Variants in PCDH11X observed in about 807,000 individuals in gnomAD.
PCDH11X encodes the protein protocadherin-11 X-linked.
In PCDH11X, 18 loss-of-function variants were observed where a neutral mutation model predicts 53.3. The observed-to-expected ratio is 0.34, with a 90% confidence interval of 0.23 to 0.50. PCDH11X has a LOEUF of 0.50. Among genes scored for constraint, PCDH11X ranks in the 20% least tolerant of loss-of-function variants. PCDH11X has a pLI of 0.98. For missense variants in PCDH11X, 570 were observed against 1,032.4 expected (o/e 0.55, Z 6.14); for synonymous variants, 279 against 393.3 (o/e 0.71, Z 3.44).
intron 8 of PCDH11X, among the ~76,000 whole-genome samples, chrX:92,298,969 C>T (rs957622712): frequency 2.7e-5 from 3 of 111,504 alleles, no homozygotes; most frequent in Non-Finnish European, 3.8e-5. Context: ...TAACTAAGAT[C>T]TGAGTCCTGA....
chrX:92,157,018 A>G (rs187953049), intron 6 of PCDH11X, among the ~76,000 whole-genome samples: 58 of 111,900 alleles, frequency 5.2e-4, no homozygotes, highest in South Asian at 3.7e-3. Flanking sequence ...CACTTCCAAA[A>G]ATCTGTCCCT....
At chrX:92,303,794 C>A (rs1170161859) in intron 8 of PCDH11X, among the ~76,000 whole-genome samples, 2 of 109,781 alleles carry the variant, frequency 1.8e-5, no homozygotes, top group African/African-American at 3.3e-5. Context: ...ATGAAGAGTA[C>A]AACTAACGCT....
In PCDH11X at chrX:91,853,331, G is replaced by A. The variant is rs1415625330; in HGVS notation, c.540+17287G>A. ...TATACAGAAAACATATTTATTATTA[G>A]CACTAGCAAAATCTTATGTAATGAA... On this transcript the variant is annotated intron_variant, in intron 5 of 10. Coordinates refer to ENST00000682573, the MANE Select transcript of PCDH11X (RefSeq NM_032968.5). 2.7e-5 allele frequency among the ~76,000 whole-genome samples: 3 copies of A among 109,361 alleles called. No homozygotes were observed. In the Admixed American group the frequency reaches 2.9e-4, roughly 11 times the overall value. The allele number at this position is 109,361 out of a possible 115,157, so 95.0% of individuals were successfully genotyped here.
chrX:91,812,367 T>C (rs1936317266), intron 4 of PCDH11X, among the ~76,000 whole-genome samples: 1 of 110,967 alleles, frequency 9.0e-6, no homozygotes, highest in Non-Finnish European at 1.9e-5. Flanking sequence ...CCATTACTCC[T>C]CTGTCACTTC....
chrX:92,017,741 AG>A (rs1179032852), intron 6 of PCDH11X, among the ~76,000 whole-genome samples: 1 of 93,862 alleles, frequency 1.1e-5, no homozygotes, highest in Non-Finnish European at 2.1e-5. Flanking sequence ...ATAACAAAAA[AG>A]TTTTGAACAT....
chrX:92,397,692 C>T (rs1342871057), intron 9 of PCDH11X, among the ~76,000 whole-genome samples: 1 of 110,179 alleles, frequency 9.1e-6, no homozygotes, highest in Non-Finnish European at 1.9e-5. Context: ...ACTGTAGTTA[C>T]AAGGACAGAG....
At chrX:92,447,785 G>A (rs925662902) in intron 9 of PCDH11X, among the ~76,000 whole-genome samples, 17 of 112,537 alleles carry the variant, frequency 1.5e-4, no homozygotes, top group South Asian at 1.1e-3. Flanking sequence ...CTTGCACTGC[G>A]TGCCTGGAAA....
At chrX:91,943,432 G>A (rs1360103360) in intron 6 of PCDH11X, among the ~76,000 whole-genome samples, 1 of 110,321 alleles carries the variant, frequency 9.1e-6, no homozygotes, top group Middle Eastern at 4.2e-3. Flanking sequence ...AAAAAATAAA[G>A]TCTATTAAAA....
rs2068249301 is a variant in PCDH11X at position 92,281,404 on chromosome X, G to A, written c.3144+18261G>A. Among the ~76,000 whole-genome samples the A allele has an allele frequency of 2.7e-5, 3 of 111,615 alleles. No individual in the cohort carries two copies. In the South Asian group the frequency reaches 1.1e-3, roughly 41 times the overall value. ...TGTGTGTTCATATACATGCACTGGG[G>A]AAAAATTGCCAGTTAAAAAGGAAAC... is the stretch of plus-strand genomic sequence containing the variant. On this transcript the variant is annotated intron_variant, in intron 8 of 10. Coordinates refer to ENST00000682573, the MANE Select transcript of PCDH11X (RefSeq NM_032968.5).
intron 10 of PCDH11X, among the ~76,000 whole-genome samples, chrX:92,522,990 A>T (rs2074392876): frequency 1.8e-5 from 2 of 111,315 alleles, no homozygotes; most frequent in African/African-American, 6.5e-5. Context: ...TTTCTGACAA[A>T]TCTGCCATAG....
chrX:92,199,698 T>C (rs1451223250), intron 6 of PCDH11X, among the ~76,000 whole-genome samples: 1 of 110,215 alleles, frequency 9.1e-6, no homozygotes. Context: ...AGTGATAGAA[T>C]ATTGGCAGGG....
intron 6 of PCDH11X, among the ~76,000 whole-genome samples, chrX:92,200,046 C>A (rs181214123): frequency 9.0e-6 from 1 of 111,295 alleles, no homozygotes; most frequent in Admixed American, 9.6e-5. Flanking sequence ...GTTAAATGTA[C>A]CTTTTGGCCA....
chrX:92,616,389 T>A (rs1927966644), intron 10 of PCDH11X, among the ~76,000 whole-genome samples: 1 of 78,939 alleles, frequency 1.3e-5, no homozygotes, highest in Non-Finnish European at 2.4e-5. Flanking sequence ...GACTTTTGAT[T>A]GATTCCAGGT....
intron 7 of PCDH11X, among the ~76,000 whole-genome samples, chrX:92,211,243 G>A (rs935053439): frequency 1.8e-5 from 2 of 111,679 alleles, no homozygotes; most frequent in African/African-American, 3.3e-5. Context: ...GAAAGTGAAC[G>A]AGAAGCCAGC....
intron 5 of PCDH11X, among the ~76,000 whole-genome samples, chrX:91,869,346 G>A (rs1939155039): frequency 9.0e-6 from 1 of 110,916 alleles, no homozygotes; most frequent in African/African-American, 3.3e-5. Context: ...CTTTTGAGAA[G>A]TAACCATATT....
At chrX:91,973,904 C>T (rs1439941627) in intron 6 of PCDH11X, among the ~76,000 whole-genome samples, 1 of 110,979 alleles carries the variant, frequency 9.0e-6, no homozygotes, top group African/African-American at 3.3e-5. Flanking sequence ...TGTGAGCCAC[C>T]ATGCCCAGCC....
At chrX:92,356,336 C>A (rs1403851405) in intron 8 of PCDH11X, among the ~76,000 whole-genome samples, 1 of 106,410 alleles carries the variant, frequency 9.4e-6, no homozygotes, top group Non-Finnish European at 1.9e-5. Context: ...AGAAATAATA[C>A]CAAATTTAGC....
chrX:92,048,465 T>C lies in PCDH11X; in HGVS notation c.3034-152910T>C, dbSNP rs180986842. Reference sequence around the variant, plus strand: ...GTAAATGCAAGGCACCTAACATTGATAAGCCAGATAAAGAATTACCAAACA... The same window carrying C: ...GTAAATGCAAGGCACCTAACATTGACAAGCCAGATAAAGAATTACCAAACA... On this transcript the variant is annotated intron_variant, in intron 6 of 10. Coordinates refer to ENST00000682573, the MANE Select transcript of PCDH11X (RefSeq NM_032968.5). Among the ~76,000 whole-genome samples, 6 of 111,200 alleles carry C rather than the reference T, an allele frequency of 5.4e-5. No homozygotes were observed. In the East Asian group the frequency reaches 1.7e-3, roughly 32 times the overall value.
At chrX:91,825,010 C>G (rs1021539182) in intron 4 of PCDH11X, among the ~76,000 whole-genome samples, 1 of 110,819 alleles carries the variant, frequency 9.0e-6, no homozygotes, top group Non-Finnish European at 1.9e-5. Flanking sequence ...CAGGGACCCA[C>G]TTGAGGAGGC....
Sources: gnomAD v4.1 joint callset for allele counts (sites outside exome capture counted in the v4.1 genomes callset) on GRCh38, gnomAD v4.1.1 for gene constraint, MANE v1.5 for transcripts, NCBI Gene and HGNC (gene_info 2026-07-23, HGNC 2026-07-21) for gene names.